MPDZ: variants seen among roughly 807,000 people sequenced by gnomAD.
MPDZ encodes the protein multiple PDZ domain protein.
A neutral mutation model predicts 239.1 loss-of-function variants in MPDZ; 234 were observed. That is an observed-to-expected ratio of 0.98 (90% CI 0.88 to 1.09). The LOEUF is 1.09. MPDZ is among the 50% of genes least tolerant of loss of function. The probability of loss-of-function intolerance (pLI) is 0.00; values close to 1 mark genes in which losing one functional copy is unlikely to be tolerated. For missense variants in MPDZ, 3,175 were observed against 2,510.0 expected, an observed-to-expected ratio of 1.26 and a Z score of -5.66; for synonymous variants, 1,048 against 881.3, an observed-to-expected ratio of 1.19 and a Z score of -3.35.
chr9:13,262,630 A>G (rs1970952823), intron 1 of MPDZ, among the ~76,000 whole-genome samples: 2 of 152,038 alleles, frequency 1.3e-5, no homozygotes, highest in Admixed American at 1.3e-4. Context: ...AGATGAACAA[A>G]AAATACTCTA....
intron 1 of MPDZ, among the ~76,000 whole-genome samples, chr9:13,259,831 G>C (rs183195895): frequency 3.3e-5 from 5 of 151,900 alleles, no homozygotes; most frequent in Non-Finnish European, 7.4e-5. Flanking sequence ...AAAAAGTTTA[G>C]ATTTGTTTTT....
At chr9:13,167,930 C>G (rs1475027837) in intron 22 of MPDZ, among the ~76,000 whole-genome samples, 1 of 152,092 alleles carries the variant, frequency 6.6e-6, no homozygotes. Flanking sequence ...CAGATGGACA[C>G]TGTTTTATGT....
intron 22 of MPDZ, among the ~76,000 whole-genome samples, chr9:13,163,386 C>T (rs909265229): frequency 6.6e-6 from 1 of 152,110 alleles, no homozygotes. Flanking sequence ...TAATTTGAAG[C>T]AATTTTAAAA....
At chr9:13,258,060 A>G (rs939322790) in intron 1 of MPDZ, among the ~76,000 whole-genome samples, 3 of 152,214 alleles carry the variant, frequency 2.0e-5, no homozygotes, top group African/African-American at 7.2e-5. Context: ...ATGATTCTCC[A>G]ACAACTTGTT....
intron 1 of MPDZ, among the ~76,000 whole-genome samples, chr9:13,271,080 A>G (rs1433335930): frequency 6.6e-6 from 1 of 152,202 alleles, no homozygotes; most frequent in African/African-American, 2.4e-5. Flanking sequence ...GAAAGCCTCA[A>G]TAATCTCCTG....
chr9:13,241,316 T>G (rs1965350177), intron 3 of MPDZ, among the ~76,000 whole-genome samples: 1 of 152,184 alleles, frequency 6.6e-6, no homozygotes, highest in East Asian at 1.9e-4. Flanking sequence ...AAAGTAAAAC[T>G]ATTTCAGGTG....
At chr9:13,256,889 T>C (rs1317431480) in intron 1 of MPDZ, among the ~76,000 whole-genome samples, 1 of 152,150 alleles carries the variant, frequency 6.6e-6, no homozygotes, top group Non-Finnish European at 1.5e-5. Context: ...CATCAATTTA[T>C]TTAAAAAACA....
intron 22 of MPDZ, among the ~76,000 whole-genome samples, chr9:13,168,000 A>G (rs994482733): frequency 2.0e-5 from 3 of 152,098 alleles, no homozygotes; most frequent in South Asian, 2.1e-4. Flanking sequence ...ACACAGGTCA[A>G]TTAGGTAGGG....
In MPDZ at chr9:13,274,928, TA is replaced by T. The variant is rs549321185; in HGVS notation, c.-58+4471del. On this transcript the variant is annotated intron_variant, in intron 1 of 46. Coordinates refer to ENST00000319217, the MANE Select transcript of MPDZ (RefSeq NM_001378778.1). ...AAAACGAATGCTTTTATAAAACACT[TA>T]AAAAAAAAATTAATGCTCTGTCCAC... Among the ~76,000 whole-genome samples, 203 of 149,966 alleles carry T rather than the reference TA, an allele frequency of 1.4e-3. 1 individual carries two copies. The highest frequency in any genetic ancestry group is 3.4e-3 in the Middle Eastern group (1 of 290).
In MPDZ at chr9:13,269,587, C is replaced by A. The variant is rs926447293; in HGVS notation, c.-58+9813G>T. ...TCCATACTAAACCAAAACAAATGTA[C>A]CTCTAGTGCTTCTGTTAATTGAACA... On this transcript the variant is annotated intron_variant, in intron 1 of 46. Coordinates refer to ENST00000319217, the MANE Select transcript of MPDZ (RefSeq NM_001378778.1). 3.3e-5 allele frequency among the ~76,000 whole-genome samples: 5 copies of A among 152,120 alleles called. No homozygotes were observed. The East Asian group carries it at 5.8e-4, about 18-fold the overall frequency.
At chr9:13,163,000 A>C (rs2133671948) in intron 22 of MPDZ, among the ~76,000 whole-genome samples, 1 of 152,282 alleles carries the variant, frequency 6.6e-6, no homozygotes, top group East Asian at 1.9e-4. Flanking sequence ...ACAGAAACTA[A>C]GTTTTTAAAT....
chr9:13,278,359 A>C (rs1384983416), intron 1 of MPDZ, among the ~76,000 whole-genome samples: 3 of 152,136 alleles, frequency 2.0e-5, no homozygotes, highest in Non-Finnish European at 4.4e-5. Context: ...ACCGCGCAGT[A>C]GAGGTCTCCA....
chr9:13,276,983 C>G (rs1974351304), intron 1 of MPDZ, among the ~76,000 whole-genome samples: 1 of 152,290 alleles, frequency 6.6e-6, no homozygotes. Flanking sequence ...CCAACTAGAC[C>G]TAAATCCATG....
chr9:13,167,378 A>G (rs1330109752), intron 22 of MPDZ, among the ~76,000 whole-genome samples: 1 of 152,112 alleles, frequency 6.6e-6, no homozygotes, highest in Admixed American at 6.6e-5. Context: ...TAAAAATAAT[A>G]CTTTTTATAT....
chr9:13,224,525 C>CTGAGA lies in MPDZ; in HGVS notation c.237_241dup (p.Ser81IlefsTer6), dbSNP rs1959893335. ...TTGCAGAGTAGGAATCACAGCTGGG[C>CTGAGA]TGAGATGAGGAACGTGGGCATATTC... On this transcript the variant is annotated frameshift_variant, in exon 4 of 47. Transcript: ENST00000319217. LOFTEE classifies it high-confidence loss of function. 6.2e-7 allele frequency: 1 copy of CTGAGA among 1,612,552 alleles called. No homozygotes were observed. The highest frequency in any genetic ancestry group is 8.5e-7 in the Non-Finnish European group (1 of 1,179,204).
intron 10 of MPDZ, among the ~76,000 whole-genome samples, chr9:13,214,721 C>T (rs1317240968): frequency 6.6e-6 from 1 of 151,978 alleles, no homozygotes; most frequent in South Asian, 2.1e-4. Flanking sequence ...TTCCTTCTGT[C>T]TTTCACTTTC....
Position 13,176,383 on chromosome 9 carries a change from T to A in MPDZ, c.2684A>T (p.Asp895Val), listed in dbSNP as rs1952493420. ...VIENSCDPVL[D>V]LHMSLEELYT... is the part of the protein sequence containing the mutation. ...TAGTTCCTCCAGAGACATATGCAGA[T>A]CAAGTACTGGATCACAAGAATTTTC... Residue 895 changes from aspartate (D) to valine (V), a missense_variant, in exon 20 of 47, where the codon GAT (aspartate) becomes GTT (valine). Coordinates refer to ENST00000319217, the MANE Select transcript of MPDZ (RefSeq NM_001378778.1). 1.7e-5 allele frequency: 27 copies of A among 1,599,556 alleles called. No homozygotes were observed. Among genetic ancestry groups the A allele is most frequent in the Non-Finnish European group, 2.3e-5 (27 of 1,172,538 alleles).
Position 13,136,812 on chromosome 9 carries a change from A to T in MPDZ, c.4201-9T>A, listed in dbSNP as rs779823596. 27 of 1,537,418 alleles carry T rather than the reference A, an allele frequency of 1.8e-5. No homozygotes were observed. The highest frequency in any genetic ancestry group is 2.2e-5 in the Non-Finnish European group (25 of 1,123,358). On this transcript the variant is annotated splice_polypyrimidine_tract_variant and intron_variant, in intron 29 of 46. Coordinates refer to ENST00000319217, the MANE Select transcript of MPDZ (RefSeq NM_001378778.1). ...AAAATCTGACCATTGATCTGTGAGAAATAAATATCATTAGTTGGGCCTGAA... is the reference window on the plus strand; with the variant it reads ...AAAATCTGACCATTGATCTGTGAGATATAAATATCATTAGTTGGGCCTGAA...
intron 18 of MPDZ, 68 bp from the exon 19 acceptor site, chr9:13,183,653 T>C: frequency 6.6e-7 from 1 of 1,520,006 alleles, no homozygotes; most frequent in Non-Finnish European, 9.0e-7. Context: ...CAATCTCCAC[T>C]TGAGACTAAA....
Sources: gnomAD v4.1 joint callset for allele counts (sites outside exome capture counted in the v4.1 genomes callset) on GRCh38, gnomAD v4.1.1 for gene constraint, MANE v1.5 for transcripts, NCBI Gene and HGNC (gene_info 2026-07-23, HGNC 2026-07-21) for gene names.